The following GAS7 variants were observed in gnomAD, a reference collection of about 807,000 sequenced individuals.
The protein encoded by GAS7 is growth arrest specific 7, also known as growth arrest-specific protein 7.
Under a neutral mutation model 71.1 loss-of-function variants are expected in GAS7, and 28 were observed. The observed-to-expected ratio is 0.39, with a 90% confidence interval of 0.29 to 0.54. GAS7 has a LOEUF of 0.54. Ranked by LOEUF, GAS7 falls within the 20% of genes least tolerant of loss-of-function variation. GAS7 has a pLI of 0.62. For missense variants in GAS7, 436 were observed against 627.8 expected (o/e 0.69, Z 3.27); for synonymous variants, 258 against 245.8 (o/e 1.05, Z -0.46).
chr17:10,092,728 C>G (rs1296636814), intron 1 of GAS7, among the ~76,000 whole-genome samples: 3 of 152,206 alleles, frequency 2.0e-5, no homozygotes, highest in African/African-American at 2.4e-5. Context: ...GCCACGCCCC[C>G]CTTGGAGGCT....
intron 4 of GAS7, among the ~76,000 whole-genome samples, chr17:9,966,569 G>A (rs2152118428): frequency 6.6e-6 from 1 of 152,322 alleles, no homozygotes; most frequent in African/African-American, 2.4e-5. Flanking sequence ...GCATGCTGGA[G>A]TGGGGTCTAT....
At chr17:10,016,750 AAAAT>A (rs1421824534) in intron 2 of GAS7, among the ~76,000 whole-genome samples, 3 of 123,156 alleles carry the variant, frequency 2.4e-5, no homozygotes, top group Non-Finnish European at 5.0e-5. Context: ...ATCTCTACAA[AAAAT>A]AATAATAATA....
intron 1 of GAS7, among the ~76,000 whole-genome samples, chr17:10,133,984 C>G (rs767936555): frequency 6.6e-6 from 1 of 152,092 alleles, no homozygotes; most frequent in African/African-American, 2.4e-5. Context: ...TTTCTTTGAG[C>G]ATCATGACAG....
chr17:9,976,411 T>C (rs887263), intron 3 of GAS7, among the ~76,000 whole-genome samples: 150,422 of 152,364 alleles, frequency 0.99, 74,261 homozygotes, highest in Middle Eastern at 1. Context: ...CTGGCTAATT[T>C]CGCAAGAAGC....
chr17:9,988,634 C>T (rs2070729504), intron 2 of GAS7, among the ~76,000 whole-genome samples: 1 of 151,986 alleles, frequency 6.6e-6, no homozygotes. Flanking sequence ...TTGTGGTGAG[C>T]AGAGATCGCG....
intron 5 of GAS7, among the ~76,000 whole-genome samples, chr17:9,953,640 A>G (rs1302081168): frequency 2.6e-5 from 4 of 152,248 alleles, no homozygotes; most frequent in African/African-American, 9.6e-5. Context: ...AAGCTATGTG[A>G]TGGGCTATTT....
At chr17:10,060,169 G>A (rs10521164) in intron 1 of GAS7, among the ~76,000 whole-genome samples, 3,555 of 152,292 alleles carry the variant, frequency 0.023, 127 homozygotes, top group African/African-American at 0.079. Context: ...TCCTTAAAGC[G>A]CCGAGGAGAA....
At chr17:10,017,679 C>T (rs934796023) in intron 2 of GAS7, among the ~76,000 whole-genome samples, 4 of 152,130 alleles carry the variant, frequency 2.6e-5, no homozygotes, top group African/African-American at 9.7e-5. Flanking sequence ...TTCCTATTTT[C>T]GGATCCATAG....
chr17:10,085,345 T>A (rs2073505514), intron 1 of GAS7, among the ~76,000 whole-genome samples: 1 of 152,040 alleles, frequency 6.6e-6, no homozygotes, highest in South Asian at 2.1e-4. Flanking sequence ...GGATCTCGAT[T>A]TCCCCACCTC....
chr17:10,096,720 G>T (rs1167694134), intron 1 of GAS7, among the ~76,000 whole-genome samples: 2 of 152,248 alleles, frequency 1.3e-5, no homozygotes, highest in African/African-American at 4.8e-5. Flanking sequence ...TTTGCCAATG[G>T]TCTCAGCGCA....
chr17:9,923,865 A>G (rs2067906136), intron 11 of GAS7, among the ~76,000 whole-genome samples: 1 of 152,238 alleles, frequency 6.6e-6, no homozygotes, highest in Non-Finnish European at 1.5e-5. Flanking sequence ...AAACAATCTA[A>G]GAGTCCTAAA....
intron 2 of GAS7, among the ~76,000 whole-genome samples, chr17:10,002,135 G>A (rs556096486): frequency 6.6e-6 from 1 of 152,284 alleles, no homozygotes; most frequent in African/African-American, 2.4e-5. Flanking sequence ...ATTACTGGGT[G>A]GCTTAAAGAA....
chr17:10,130,479 G>T (rs887276460), intron 1 of GAS7, among the ~76,000 whole-genome samples: 9 of 150,656 alleles, frequency 6.0e-5, no homozygotes, highest in African/African-American at 2.2e-4. Flanking sequence ...ACGTGACCCA[G>T]CAATTCCACC....
chr17:9,919,753 T>C lies in GAS7; in HGVS notation c.1139-48A>G. 7.4e-7 allele frequency: 1 copy of C among 1,359,370 alleles called. No homozygotes were observed. The highest frequency in any genetic ancestry group is 1.8e-4 in the Middle Eastern group (1 of 5,618). The allele number at this position is 1,359,370 out of a possible 1,614,324, so 84.2% of individuals were successfully genotyped here. Reference sequence around the variant, plus strand: ...ATCATGAAGCATCCTATCCTCACCATGACTCTGTGCCCCACCCTGAGCCCC... The same window carrying C: ...ATCATGAAGCATCCTATCCTCACCACGACTCTGTGCCCCACCCTGAGCCCC... On this transcript the variant is annotated intron_variant, in intron 11 of 13. Transcript: ENST00000432992. The surrounding 1 kb of genome is among the most constrained non-coding windows in gnomAD (Gnocchi z 5.0).
chr17:10,160,650 C>T (rs1251299649), intron 1 of GAS7, among the ~76,000 whole-genome samples: 2 of 152,102 alleles, frequency 1.3e-5, no homozygotes, highest in African/African-American at 2.4e-5. Context: ...ATCACAGGTG[C>T]GCAATATGAC....
At position 10,168,461 on chromosome 17, in the gene GAS7, A is replaced by G. The variant is rs543986749; in HGVS notation, c.183+29747T>C. On this transcript the variant is annotated intron_variant, in intron 1 of 13. Coordinates refer to ENST00000432992, the MANE Select transcript of GAS7 (RefSeq NM_201433.2). ...TGCCCTCTCTAAGGAGCCTTTTAAG[A>G]TATTTCTTTCCTAATCACTCCCCCA... Among the ~76,000 whole-genome samples, 5 of 152,200 alleles carry G rather than the reference A, an allele frequency of 3.3e-5. 1 individual carries two copies. Among genetic ancestry groups the G allele is most frequent in the African/African-American group, 7.2e-5 (3 of 41,526 alleles).
chr17:10,096,541 C>T (rs1397049248), intron 1 of GAS7, among the ~76,000 whole-genome samples: 2 of 152,218 alleles, frequency 1.3e-5, no homozygotes, highest in South Asian at 2.1e-4. Context: ...AAGGATGGCA[C>T]TCCATTTTCC....
intron 1 of GAS7, among the ~76,000 whole-genome samples, chr17:10,059,012 C>G (rs1373347546): frequency 6.6e-6 from 1 of 152,238 alleles, no homozygotes; most frequent in Non-Finnish European, 1.5e-5. Flanking sequence ...GCTGTCCACG[C>G]TGTATCCCCT....
chr17:10,098,884 A>C (rs1184481325), intron 1 of GAS7, among the ~76,000 whole-genome samples: 1 of 152,220 alleles, frequency 6.6e-6, no homozygotes, highest in East Asian at 1.9e-4. Context: ...TGAACCCGGT[A>C]GGCGGAGCTT....
Sources: gnomAD v4.1 joint callset for allele counts (sites outside exome capture counted in the v4.1 genomes callset) on GRCh38, gnomAD v4.1.1 for gene constraint, Gnocchi (gnomAD v3.1) non-coding constraint, MANE v1.5 for transcripts, NCBI Gene and HGNC (gene_info 2026-07-23, HGNC 2026-07-21) for gene names.